SLC2A9: variants seen among roughly 807,000 people sequenced by gnomAD.
The protein encoded by SLC2A9 is solute carrier family 2, facilitated glucose transporter member 9.
In SLC2A9, 39 loss-of-function variants were observed where a neutral mutation model predicts 50.6. The observed-to-expected ratio is 0.77, with a 90% CI of 0.60 to 1.01. The LOEUF is 1.01. SLC2A9 is among the 50% of genes least tolerant of loss of function. The pLI is 0.00. For missense variants in SLC2A9, 686 were observed against 677.6 expected (o/e 1.01, Z -0.14); for synonymous variants, 324 against 276.9 (o/e 1.17, Z -1.69).
At chr4:10,021,183 C>A in intron 1 of SLC2A9, 97 bp downstream of exon 1, 1 of 1,311,340 alleles carries the variant, frequency 7.6e-7, no homozygotes, top group South Asian at 1.2e-5. Context: ...CCCAGCTACA[C>A]GCTGCCAGGC....
chr4:9,871,079 G>A (rs998234799), intron 10 of SLC2A9, among the ~76,000 whole-genome samples: 2 of 152,122 alleles, frequency 1.3e-5, no homozygotes, highest in African/African-American at 2.4e-5. Context: ...ACTGTGCCTG[G>A]CTTGGAAGAT....
chr4:10,007,280 T>C (rs1263624850), intron 2 of SLC2A9, among the ~76,000 whole-genome samples: 1 of 152,236 alleles, frequency 6.6e-6, no homozygotes, highest in Non-Finnish European at 1.5e-5. Context: ...TGTGGTGTTT[T>C]TTCCTCCTCC....
At chr4:9,789,625 A>C (rs533721471) in intron 3 of SLC2A9, among the ~76,000 whole-genome samples, 2 of 152,370 alleles carry the variant, frequency 1.3e-5, no homozygotes, top group Admixed American at 6.5e-5. Context: ...TGTTGAGCCC[A>C]TGTGGAAACC....
At position 9,964,347 on chromosome 4, in the gene SLC2A9, G is replaced by A. The variant is rs189329033; in HGVS notation, c.681+16245C>T. 9.2e-5 allele frequency among the ~76,000 whole-genome samples: 14 copies of A among 152,298 alleles called. No individual in the cohort carries two copies. In the East Asian group the frequency reaches 1.7e-3, roughly 19 times the overall value. On this transcript the variant is annotated intron_variant, in intron 5 of 11. Coordinates refer to ENST00000264784, the MANE Select transcript of SLC2A9 (RefSeq NM_020041.3). ...AGAACTCTGGTTGTTATTTAAAGGA[G>A]TTCAGGCATTAACCTGTGAGGGACT...
intron 5 of SLC2A9, among the ~76,000 whole-genome samples, chr4:9,943,074 C>G (rs1011750097): frequency 1.3e-5 from 2 of 152,164 alleles, no homozygotes; most frequent in Non-Finnish European, 2.9e-5. Flanking sequence ...CTGGGGACAG[C>G]CTCCCCACCT....
intron 10 of SLC2A9, among the ~76,000 whole-genome samples, chr4:9,848,699 C>CT (rs147201182): frequency 0.16 from 20,546 of 130,844 alleles, 2,275 homozygotes; most frequent in African/African-American, 0.31. Context: ...AGTGGAAATT[C>CT]TTTTTTTTTT....
At chr4:9,833,013 T>G (rs1435981980) in intron 11 of SLC2A9, among the ~76,000 whole-genome samples, 1 of 152,180 alleles carries the variant, frequency 6.6e-6, no homozygotes, top group Non-Finnish European at 1.5e-5. Flanking sequence ...CTTCTCTACT[T>G]AATTTATAAA....
chr4:9,876,788 T>G (rs906100040), intron 10 of SLC2A9, among the ~76,000 whole-genome samples: 3 of 152,212 alleles, frequency 2.0e-5, no homozygotes, highest in African/African-American at 7.2e-5. Context: ...AGTCTGAGTC[T>G]TTGTTTCTAG....
intron 3 of SLC2A9, among the ~76,000 whole-genome samples, chr4:9,786,237 A>T (rs1041334906): frequency 6.6e-6 from 1 of 152,200 alleles, no homozygotes; most frequent in African/African-American, 2.4e-5. Context: ...AAGCACTTTT[A>T]TTACCCCATT....
chr4:9,889,579 G>T (rs529578968), intron 9 of SLC2A9, among the ~76,000 whole-genome samples: 3 of 152,300 alleles, frequency 2.0e-5, no homozygotes, highest in Admixed American at 1.3e-4. Context: ...CCTCCTGCCG[G>T]TCAGCGTGCT....
intron 5 of SLC2A9, among the ~76,000 whole-genome samples, chr4:9,949,315 C>T (rs1749773657): frequency 6.6e-6 from 1 of 152,152 alleles, no homozygotes; most frequent in South Asian, 2.1e-4. Context: ...AATGACAGCA[C>T]AGATAAGAGA....
intron 10 of SLC2A9, among the ~76,000 whole-genome samples, chr4:9,878,131 A>G (rs951543503): frequency 2.6e-5 from 4 of 151,978 alleles, no homozygotes; most frequent in Non-Finnish European, 5.9e-5. Flanking sequence ...GCACTGTGGC[A>G]TAACACACAC....
At chr4:9,906,700 C>T (rs1371881656) in intron 8 of SLC2A9, among the ~76,000 whole-genome samples, 2 of 152,180 alleles carry the variant, frequency 1.3e-5, no homozygotes, top group African/African-American at 4.8e-5. Flanking sequence ...TTCTTCACAA[C>T]ACCAATAAAA....
chr4:9,813,153 C>A (rs377011706), intron 3 of SLC2A9, among the ~76,000 whole-genome samples: 1 of 152,150 alleles, frequency 6.6e-6, no homozygotes, highest in Admixed American at 6.5e-5. Flanking sequence ...TCTGCATAGA[C>A]CTATGTTCAG....
intron 5 of SLC2A9, among the ~76,000 whole-genome samples, chr4:9,966,554 G>A (rs558775015): frequency 3.3e-5 from 5 of 152,192 alleles, no homozygotes; most frequent in African/African-American, 1.2e-4. Flanking sequence ...TACTCGAGCG[G>A]CTGAGGCAGG....
intron 3 of SLC2A9, among the ~76,000 whole-genome samples, chr4:9,996,206 T>G (rs1225713482): frequency 6.6e-6 from 1 of 152,196 alleles, no homozygotes; most frequent in East Asian, 1.9e-4. Flanking sequence ...TGTCTCTCAG[T>G]CAGGGAGTGT....
At chr4:9,865,849 C>A (rs1732370871) in intron 10 of SLC2A9, among the ~76,000 whole-genome samples, 1 of 152,188 alleles carries the variant, frequency 6.6e-6, no homozygotes, top group African/African-American at 2.4e-5. Flanking sequence ...ATGAGACAGC[C>A]CAAGGTCCCT....
At chr4:9,882,440 A>C (rs1482414502) in intron 10 of SLC2A9, among the ~76,000 whole-genome samples, 1 of 152,142 alleles carries the variant, frequency 6.6e-6, no homozygotes, top group Non-Finnish European at 1.5e-5. Flanking sequence ...TTACTGGATC[A>C]TTCTGAATAT....
At chr4:9,819,768 C>T (rs547595452) in intron 3 of SLC2A9, among the ~76,000 whole-genome samples, 11 of 152,316 alleles carry the variant, frequency 7.2e-5, no homozygotes, top group Admixed American at 2.0e-4. Context: ...ACCCCATTTC[C>T]ACTAATAGTA....
Sources: gnomAD v4.1 joint callset for allele counts (sites outside exome capture counted in the v4.1 genomes callset) on GRCh38, gnomAD v4.1.1 for gene constraint, MANE v1.5 for transcripts, NCBI Gene and HGNC (gene_info 2026-07-23, HGNC 2026-07-21) for gene names.